The following CLASP2 variants were observed in gnomAD, a reference collection of about 807,000 sequenced individuals.
CLASP2 encodes the protein CLIP-associating protein 2.
CLASP2 carries 47 observed loss-of-function variants against 194.4 expected under a neutral mutation model. The observed-to-expected ratio is 0.24, with a 90% CI of 0.19 to 0.31. The LOEUF (loss-of-function observed/expected upper bound fraction) is 0.31. CLASP2 is among the 10% of genes least tolerant of loss of function. The probability of loss-of-function intolerance (pLI) is 1.00; values close to 1 mark genes in which losing one functional copy is unlikely to be tolerated. For synonymous variants in CLASP2, 619 were observed against 633.5 expected (o/e 0.98, Z 0.34); for missense variants, 1,445 against 1,823.6 (o/e 0.79, Z 3.78).
intron 8 of CLASP2, among the ~76,000 whole-genome samples, chr3:33,638,136 G>A (rs1219181800): frequency 6.6e-6 from 1 of 152,038 alleles, no homozygotes; most frequent in Admixed American, 6.6e-5. Flanking sequence ...CCTAATATGA[G>A]TGCCTACATA....
chr3:33,587,045 A>G (rs1426224454), intron 21 of CLASP2, among the ~76,000 whole-genome samples: 3 of 152,206 alleles, frequency 2.0e-5, no homozygotes, highest in Non-Finnish European at 4.4e-5. Context: ...CCAGATTTTT[A>G]GCATGTTCTA....
chr3:33,653,754 T>C (rs1481770721), intron 7 of CLASP2, among the ~76,000 whole-genome samples: 2 of 152,144 alleles, frequency 1.3e-5, no homozygotes, highest in Admixed American at 6.5e-5. Context: ...ATACTAGTCA[T>C]GTATTGATAA....
intron 28 of CLASP2, among the ~76,000 whole-genome samples, 197 bp from the exon 29 acceptor site, chr3:33,559,582 A>G (rs1290926103): frequency 6.6e-6 from 1 of 152,184 alleles, no homozygotes; most frequent in Non-Finnish European, 1.5e-5. Flanking sequence ...CTGAATTTGT[A>G]CTCAGTACAG....
At chr3:33,529,708 G>A (rs1267351705) in intron 34 of CLASP2, among the ~76,000 whole-genome samples, 30 of 152,264 alleles carry the variant, frequency 2.0e-4, no homozygotes, top group Middle Eastern at 3.4e-3. Context: ...TCGGCCGGGC[G>A]CGGTGGCTCA....
At chr3:33,651,657 C>CTT (rs1213189049) in intron 7 of CLASP2, among the ~76,000 whole-genome samples, 1,850 of 119,568 alleles carry the variant, frequency 0.015, 58 homozygotes, top group African/African-American at 0.037. Context: ...TTCCACCTCA[C>CTT]TTTTTTTTTT....
chr3:33,626,228 G>A (rs2078027809), intron 10 of CLASP2, among the ~76,000 whole-genome samples: 4 of 152,042 alleles, frequency 2.6e-5, no homozygotes, highest in Admixed American at 2.6e-4. Context: ...CCCTGCATTT[G>A]ATTTAATTCA....
chr3:33,659,029 T>C (rs1228595359), intron 7 of CLASP2: 5 of 1,535,760 alleles, frequency 3.3e-6, no homozygotes, highest in South Asian at 1.2e-5. Flanking sequence ...AGAGGTCAAA[T>C]AGCACAGCAA....
intron 7 of CLASP2, among the ~76,000 whole-genome samples, chr3:33,655,752 T>C (rs2084061694): frequency 6.6e-6 from 1 of 152,162 alleles, no homozygotes; most frequent in South Asian, 2.1e-4. Flanking sequence ...TATATATATA[T>C]ACACACATAC....
chr3:33,506,535 A>C (rs1211304946), intron 37 of CLASP2, among the ~76,000 whole-genome samples: 2 of 152,058 alleles, frequency 1.3e-5, no homozygotes, highest in African/African-American at 2.4e-5. Context: ...TAGATCCTAG[A>C]GTTCCAAAAA....
intron 25 of CLASP2, among the ~76,000 whole-genome samples, chr3:33,571,932 A>C (rs2063866613): frequency 6.6e-6 from 1 of 152,236 alleles, no homozygotes; most frequent in South Asian, 2.1e-4. Context: ...TGTAACCCAC[A>C]CTATCTTAAA....
intron 34 of CLASP2, among the ~76,000 whole-genome samples, chr3:33,524,466 A>G (rs1251816307): frequency 6.6e-6 from 1 of 152,120 alleles, no homozygotes; most frequent in East Asian, 1.9e-4. Flanking sequence ...ACCAGGCAAC[A>G]CAGTGAAACC....
chr3:33,548,919 C>T (rs1343063846), intron 30 of CLASP2, among the ~76,000 whole-genome samples: 2 of 151,782 alleles, frequency 1.3e-5, no homozygotes, highest in African/African-American at 2.4e-5. Flanking sequence ...AGGCATGCAC[C>T]ACCATACCCA....
chr3:33,717,987 T>TGCTGCGGGGCTCCATG lies in CLASP2; in HGVS notation c.-1_15dup (p.Met6HisfsTer86). ...TGCACCTGGGCGCAGAAGTACTCCA[T>TGCTGCGGGGCTCCATG]GCTGCGGGGCTCCATGGCTGCGGCC... On this transcript the variant is annotated frameshift_variant, in exon 1 of 39. Coordinates refer to ENST00000682230, the MANE Select transcript of CLASP2 (RefSeq NM_001365631.1). LOFTEE classifies it high-confidence loss of function. 1.3e-6 allele frequency: 2 copies of TGCTGCGGGGCTCCATG among 1,517,574 alleles called. No homozygotes were observed. Among genetic ancestry groups the TGCTGCGGGGCTCCATG allele is most frequent in the Non-Finnish European group, 1.8e-6 (2 of 1,136,834 alleles). 94.0% of individuals were successfully genotyped at this position (1,517,574 alleles called of 1,614,324 possible). A position where few individuals can be genotyped will look rare whatever the true frequency, so the allele number is the denominator to read the frequency against.
intron 37 of CLASP2, chr3:33,502,743 ATT>A (rs1311478862): frequency 5.3e-5 from 8 of 152,212 alleles, no homozygotes; most frequent in African/African-American, 1.9e-4. Flanking sequence ...AATCCTAATC[ATT>A]TTATCTTTCT....
At position 33,542,456 on chromosome 3, in the gene CLASP2, G is replaced by A. The variant is rs189068748; in HGVS notation, c.3404+977C>T. ...AACATAAAAATAACAAATAGGGAAG[G>A]GTTAAATATATAATAAATATAAAAA... On this transcript the variant is annotated intron_variant, in intron 32 of 38. Transcript: ENST00000682230. Among the ~76,000 whole-genome samples, 222 of 147,004 alleles carry A rather than the reference G, an allele frequency of 1.5e-3. 1 individual carries two copies. The Middle Eastern group carries it at 0.016, about 11-fold the overall frequency.
chr3:33,638,159 G>C lies in CLASP2; in HGVS notation c.863-5788C>G, dbSNP rs116198077. On this transcript the variant is annotated intron_variant, in intron 8 of 38. Coordinates refer to ENST00000682230, the MANE Select transcript of CLASP2 (RefSeq NM_001365631.1). ...GAGTGCCTACATAAATAAACACGGAGTAATACGTGGAAGGGTACATATCAA... is the reference window on the plus strand; with the variant it reads ...GAGTGCCTACATAAATAAACACGGACTAATACGTGGAAGGGTACATATCAA... Among the ~76,000 whole-genome samples the C allele has an allele frequency of 3.9e-3, 596 of 152,244 alleles. 4 individuals carry two copies. Among genetic ancestry groups the C allele is most frequent in the African/African-American group, 0.013 (555 of 41,536 alleles).
At chr3:33,630,512 G>A (rs2154291909) in intron 9 of CLASP2, among the ~76,000 whole-genome samples, 1 of 152,182 alleles carries the variant, frequency 6.6e-6, no homozygotes, top group East Asian at 1.9e-4. Flanking sequence ...CAATTACTAT[G>A]AGTATGAGAG....
chr3:33,687,018 G>T, intron 5 of CLASP2, 42 bp downstream of exon 5: 1 of 1,153,580 alleles, frequency 8.7e-7, no homozygotes, highest in Non-Finnish European at 1.2e-6. Context: ...AGAAATGGTA[G>T]CCAAAAAATC....
chr3:33,588,547 A>G (rs1053097043), intron 21 of CLASP2, among the ~76,000 whole-genome samples: 1 of 152,192 alleles, frequency 6.6e-6, no homozygotes, highest in African/African-American at 2.4e-5. Flanking sequence ...GTAATAAGAC[A>G]AAGGCCAAAG....
Sources: allele counts gnomAD v4.1 joint callset (sites outside exome capture counted in the v4.1 genomes callset), GRCh38; gene constraint gnomAD v4.1.1; transcripts MANE v1.5; gene names NCBI Gene and HGNC (gene_info 2026-07-23, HGNC 2026-07-21).